MCC: variants seen among roughly 807,000 people sequenced by gnomAD.
MCC encodes the protein MCC regulator of Wnt signaling pathway.
In MCC, 90 loss-of-function variants were observed where a neutral mutation model predicts 116.2. That is an observed-to-expected ratio of 0.77 (90% CI 0.65 to 0.92). The LOEUF is 0.92. Among genes scored for constraint, MCC ranks in the 40% least tolerant of loss-of-function variants. The probability of loss-of-function intolerance (pLI) is 0.00; values close to 1 mark genes in which losing one functional copy is unlikely to be tolerated. For synonymous variants in MCC, 578 were observed against 510.5 expected, an observed-to-expected ratio of 1.13 and a Z score of -1.78; for missense variants, 1,516 against 1,312.2, an observed-to-expected ratio of 1.16 and a Z score of -2.40.
intron 3 of MCC, among the ~76,000 whole-genome samples, chr5:113,235,589 C>T (rs901661965): frequency 4.6e-5 from 7 of 152,184 alleles, no homozygotes; most frequent in Non-Finnish European, 8.8e-5. Context: ...TTTAACAATC[C>T]TGCCATTTGA....
At chr5:113,231,559 T>C (rs1427116021) in intron 3 of MCC, among the ~76,000 whole-genome samples, 1 of 152,174 alleles carries the variant, frequency 6.6e-6, no homozygotes, top group Non-Finnish European at 1.5e-5. Context: ...CATGTTCACT[T>C]TGTTCCTACA....
chr5:113,150,393 T>G (rs1381241686), intron 4 of MCC, among the ~76,000 whole-genome samples: 1 of 151,940 alleles, frequency 6.6e-6, no homozygotes, highest in African/African-American at 2.4e-5. Flanking sequence ...TTATAAACCA[T>G]AAAAGCATGC....
chr5:113,076,757 A>G (rs970657902), intron 11 of MCC, among the ~76,000 whole-genome samples: 1 of 152,224 alleles, frequency 6.6e-6, no homozygotes, highest in Non-Finnish European at 1.5e-5. Flanking sequence ...TCAACTAACA[A>G]GCAAAATAAC....
At chr5:113,484,642 T>C (rs564064550) in intron 1 of MCC, among the ~76,000 whole-genome samples, 8 of 152,216 alleles carry the variant, frequency 5.3e-5, no homozygotes, top group Non-Finnish European at 8.8e-5. Flanking sequence ...TATTTTGATA[T>C]AGTGGTCAGG....
chr5:113,209,758 G>A (rs1418613717), intron 3 of MCC, among the ~76,000 whole-genome samples: 7 of 152,242 alleles, frequency 4.6e-5, no homozygotes, highest in Non-Finnish European at 1.0e-4. Context: ...ACAGGGAATC[G>A]TGTACTTCCT....
intron 6 of MCC, among the ~76,000 whole-genome samples, chr5:113,112,105 ATGACTTTGCT>A (rs1267986889): frequency 3.6e-4 from 55 of 152,312 alleles, no homozygotes; most frequent in African/African-American, 1.3e-3. Context: ...CTTTACCAGA[ATGACTTTGCT>A]CCAAAGTATG....
At chr5:113,221,928 C>T in intron 3 of MCC, among the ~76,000 whole-genome samples, 1 of 152,100 alleles carries the variant, frequency 6.6e-6, no homozygotes, top group Non-Finnish European at 1.5e-5. Flanking sequence ...TATTGCAATT[C>T]CCCTGTCTTG....
intron 8 of MCC, among the ~76,000 whole-genome samples, chr5:113,090,972 G>C (rs957191806): frequency 6.6e-6 from 1 of 152,246 alleles, no homozygotes; most frequent in Non-Finnish European, 1.5e-5. Flanking sequence ...CAGGGGCTGT[G>C]AGCAGGGCAC....
At chr5:113,289,395 T>C (rs898808316) in intron 3 of MCC, among the ~76,000 whole-genome samples, 2 of 152,098 alleles carry the variant, frequency 1.3e-5, no homozygotes, top group South Asian at 2.1e-4. Flanking sequence ...CTCTGTCATT[T>C]TGTGGCTTCT....
chr5:113,233,764 T>C (rs1764025632), intron 3 of MCC, among the ~76,000 whole-genome samples: 1 of 152,212 alleles, frequency 6.6e-6, no homozygotes, highest in South Asian at 2.1e-4. Context: ...ACCTAAGATA[T>C]ATTTGGCTGC....
intron 3 of MCC, among the ~76,000 whole-genome samples, chr5:113,267,845 G>A (rs551231649): frequency 5.5e-4 from 83 of 152,266 alleles, no homozygotes; most frequent in African/African-American, 1.9e-3. Flanking sequence ...AAATGGATAA[G>A]TTGTATGGTA....
At chr5:113,168,341 T>C (rs1284055533) in intron 3 of MCC, among the ~76,000 whole-genome samples, 1 of 152,232 alleles carries the variant, frequency 6.6e-6, no homozygotes, top group Admixed American at 6.5e-5. Flanking sequence ...TTAAGAGTAC[T>C]TTCATATCCA....
intron 2 of MCC, among the ~76,000 whole-genome samples, chr5:113,341,021 C>A (rs922610368): frequency 4.6e-5 from 7 of 152,152 alleles, no homozygotes; most frequent in Admixed American, 3.9e-4. Flanking sequence ...TAAAGGGAAT[C>A]CAGATCAGAG....
intron 6 of MCC, among the ~76,000 whole-genome samples, chr5:113,108,331 T>TAAAAAAAAAAAAAA (rs56780207): frequency 2.3e-5 from 1 of 42,726 alleles, no homozygotes; most frequent in African/African-American, 7.6e-5. Flanking sequence ...CACTCTATCT[T>TAAAAAAAAAAAAAA]AAAAAAAAAA....
rs1561546442 is a variant in MCC, at chr5:113,385,062, C to G, written c.321G>C (p.Glu107Asp). The G allele has an allele frequency of 1.2e-6, 2 of 1,614,096 alleles. No homozygotes were observed. Among genetic ancestry groups the G allele is most frequent in the Non-Finnish European group, 1.7e-6 (2 of 1,180,056 alleles). ...RMQLVREIRK[E>D]EVDLSAKSDN... ...CTGACTTTGCAGAAAGATCTACTTC[C>G]TCCTTCCTAATTTCTCGAACAAGCT... Residue 107 changes from glutamate to aspartate, a missense_variant, in exon 2 of 19, where the codon GAG becomes GAC. Physicochemically the swap from Glu to Asp is conservative, Grantham distance 45. Transcript: ENST00000408903.
intron 3 of MCC, among the ~76,000 whole-genome samples, chr5:113,168,749 G>T (rs1581192217): frequency 6.6e-6 from 1 of 152,022 alleles, no homozygotes; most frequent in Non-Finnish European, 1.5e-5. Flanking sequence ...GGTGGTGTTG[G>T]GGGGAAAACA....
chr5:113,182,154 C>A (rs1478635204), intron 3 of MCC, among the ~76,000 whole-genome samples: 1 of 152,206 alleles, frequency 6.6e-6, no homozygotes, highest in Non-Finnish European at 1.5e-5. Context: ...GGTGATTTCA[C>A]CCCCACCAAT....
Position 113,101,743 on chromosome 5 carries a change from C to T in MCC, c.1394G>A (p.Arg465Lys). The change falls in exon 8 of 19, where the codon AGG (arginine) becomes AAG (lysine). Residue 465 changes from arginine (R) to lysine (K), a missense_variant. Arg to Lys is a conservative substitution (Grantham distance 26). Coordinates refer to ENST00000408903, the MANE Select transcript of MCC (RefSeq NM_001085377.2). ...AIREERDRLR[R>K]RVRELQTRLQ... ...TTATGGATGCAGCATGCTCACCCTC[C>T]TCCGGAGCCGGTCCCGCTCTTCCCG... is the stretch of plus-strand genomic sequence containing the variant. 6.2e-7 allele frequency: 1 copy of T among 1,613,174 alleles called. No homozygotes were observed.
At position 113,090,599 on chromosome 5, in the gene MCC, C is replaced by T. The variant is rs559014384; in HGVS notation, c.1399-5289G>A. Reference sequence around the variant, plus strand: ...AAAAGAAGAGCACTGATGAAAGACACAGAATAAAAAAAGTCTATAATGTAT... The same window carrying T: ...AAAAGAAGAGCACTGATGAAAGACATAGAATAAAAAAAGTCTATAATGTAT... On this transcript the variant is annotated intron_variant, in intron 8 of 18. Coordinates refer to ENST00000408903, the MANE Select transcript of MCC (RefSeq NM_001085377.2). Among the ~76,000 whole-genome samples, 23 of 152,252 alleles carry T rather than the reference C, an allele frequency of 1.5e-4. No individual in the cohort carries two copies. The South Asian group carries it at 4.4e-3, about 29-fold the overall frequency.
Sources: allele counts gnomAD v4.1 joint callset (sites outside exome capture counted in the v4.1 genomes callset), GRCh38; gene constraint gnomAD v4.1.1; transcripts MANE v1.5; gene names NCBI Gene and HGNC (gene_info 2026-07-23, HGNC 2026-07-21).